Variants in NUP58 observed in about 807,000 individuals in gnomAD.
NUP58 encodes the protein nucleoporin 58, also known as nucleoporin p58/p45.
In NUP58, 17 loss-of-function variants were observed where a neutral mutation model predicts 70.1. The observed-to-expected ratio is 0.24, with a 90% CI of 0.17 to 0.36. The LOEUF (loss-of-function observed/expected upper bound fraction) is 0.36. NUP58 is among the 10% of genes least tolerant of loss of function. The probability of loss-of-function intolerance (pLI) is 1.00; values close to 1 mark genes in which losing one functional copy is unlikely to be tolerated. For synonymous variants in NUP58, 275 were observed against 257.6 expected (o/e 1.07, Z -0.65); for missense variants, 644 against 701.5 (o/e 0.92, Z 0.93).
At chr13:25,304,703 T>G (rs1290259576) in intron 1 of NUP58, among the ~76,000 whole-genome samples, 1 of 151,320 alleles carries the variant, frequency 6.6e-6, no homozygotes, top group Admixed American at 6.6e-5. Flanking sequence ...TTATTTTTGG[T>G]ATTTTTAGTA....
chr13:25,327,586 C>G, intron 12 of NUP58, 74 bp downstream of exon 12: 1 of 908,450 alleles, frequency 1.1e-6, no homozygotes, highest in Non-Finnish European at 1.7e-6. Context: ...ACAAATGTGT[C>G]CATGCTTGAT....
chr13:25,332,892 A>G, intron 13 of NUP58: 2 of 985,320 alleles, frequency 2.0e-6, no homozygotes, highest in Non-Finnish European at 2.4e-6. Flanking sequence ...ATCAGCTCTC[A>G]TGATTACCTA....
chr13:25,337,791 A>G (rs2031836190), intron 14 of NUP58, among the ~76,000 whole-genome samples: 1 of 152,200 alleles, frequency 6.6e-6, no homozygotes, highest in African/African-American at 2.4e-5. Context: ...TCTGGCAGAT[A>G]GCATAATTCC....
chr13:25,348,362 T>G (rs2032073413), intron 3 of NUP58, among the ~76,000 whole-genome samples: 1 of 152,132 alleles, frequency 6.6e-6, no homozygotes, highest in East Asian at 1.9e-4. Flanking sequence ...ATTTTGTTAA[T>G]GATTTTGTAT....
intron 5 of NUP58, 38 bp from the exon 6 acceptor site, chr13:25,315,318 GT>G (rs1566060991): frequency 1.4e-6 from 2 of 1,421,850 alleles, no homozygotes; most frequent in Admixed American, 3.6e-5. Context: ...AATTGTTGTA[GT>G]CTTTTGATGG....
chr13:25,313,690 A>C lies in NUP58; in HGVS notation c.513A>C (p.Leu171Phe). ...TTTTASTGLS[L>F]GGALAGLGGS... ...CAACTGCATCAACAGGCCTCTCTTT[A>C]GGGGGAGCCTTAGCTGGTTTGGGAG... Residue 171 changes from leucine (L) to phenylalanine (F), a missense_variant, in exon 5 of 16, where the codon TTA becomes TTC. By Grantham distance (22) the Leu-to-Phe change is conservative. This residue lies in a region of NUP58 where 430 missense variants were observed against 409.2 expected (regional missense o/e 1.05). Coordinates refer to ENST00000381736, the MANE Select transcript of NUP58 (RefSeq NM_014089.4). 1.3e-6 allele frequency: 2 copies of C among 1,532,206 alleles called. No individual in the cohort carries two copies. Among genetic ancestry groups the C allele is most frequent in the Non-Finnish European group, 1.7e-6 (2 of 1,152,756 alleles). 94.9% of individuals were successfully genotyped at this position (1,532,206 alleles called of 1,614,324 possible).
chr13:25,336,582 TA>T (rs2031793065), intron 13 of NUP58, among the ~76,000 whole-genome samples: 1 of 152,152 alleles, frequency 6.6e-6, no homozygotes, highest in Admixed American at 6.6e-5. Context: ...TGAGGAGATC[TA>T]AAATAATTCT....
Position 25,340,233 on chromosome 13 carries a change from TATAAAGTTTTGATATTTTTC to T in NUP58, c.*100_*119del, listed in dbSNP as rs2031913216. ...TAATTAAATTGCATCCCAGGAGATT[TATAAAGTTTTGATATTTTTC>T]CCTACTCTGGAATTTGAACTTTCTT... On this transcript the variant is annotated 3_prime_UTR_variant, in exon 16 of 16. Coordinates refer to ENST00000381736, the MANE Select transcript of NUP58 (RefSeq NM_014089.4). 3 of 1,160,008 alleles carry T rather than the reference TATAAAGTTTTGATATTTTTC, an allele frequency of 2.6e-6. No individual in the cohort carries two copies. The highest frequency in any genetic ancestry group is 3.5e-6 in the Non-Finnish European group (3 of 868,348). 71.9% of individuals were successfully genotyped at this position (1,160,008 alleles called of 1,614,324 possible).
intron 1 of NUP58, among the ~76,000 whole-genome samples, chr13:25,304,099 G>T (rs1176740347): frequency 6.6e-6 from 1 of 152,144 alleles, no homozygotes; most frequent in Non-Finnish European, 1.5e-5. Flanking sequence ...GTTGATGAGT[G>T]AGATGAAGTA....
chr13:25,315,764 C>T (rs2030901867), intron 6 of NUP58, among the ~76,000 whole-genome samples: 2 of 152,116 alleles, frequency 1.3e-5, no homozygotes, highest in Non-Finnish European at 2.9e-5. Context: ...AACCATTGTT[C>T]TCTTGTTAGA....
downstream of NUP58, among the ~76,000 whole-genome samples, chr13:25,346,538 GGA>G (rs985716320): frequency 2.0e-5 from 3 of 152,020 alleles, no homozygotes; most frequent in African/African-American, 7.2e-5. Flanking sequence ...TGACCAACAT[GGA>G]GAAACCCTGT....
intron 6 of NUP58, among the ~76,000 whole-genome samples, chr13:25,318,917 C>A (rs1021565779): frequency 6.6e-6 from 1 of 152,104 alleles, no homozygotes; most frequent in Non-Finnish European, 1.5e-5. Flanking sequence ...TGGTAGGCAA[C>A]AACATAAATT....
Position 25,327,054 on chromosome 13 carries a change from A to G in NUP58, c.1150+20A>G, listed in dbSNP as rs746446028. 8.4e-6 allele frequency: 12 copies of G among 1,431,296 alleles called. No homozygotes were observed. Among genetic ancestry groups the G allele is most frequent in the Non-Finnish European group, 1.2e-5 (12 of 1,029,504 alleles). The allele number at this position is 1,431,296 out of a possible 1,614,324, so 88.7% of individuals were successfully genotyped here. On this transcript the variant is annotated intron_variant, in intron 11 of 15. Transcript: ENST00000381736. ...CTCAAGGTAACATGCTTACTGTGGT[A>G]ATTTTTTTTGAACTTTTGTTTGTAG...
At chr13:25,318,133 G>T (rs926052647) in intron 6 of NUP58, among the ~76,000 whole-genome samples, 1 of 152,016 alleles carries the variant, frequency 6.6e-6, no homozygotes, top group African/African-American at 2.4e-5. Flanking sequence ...ATCAAGACCA[G>T]CCTGGCCAAG....
intron 5 of NUP58, among the ~76,000 whole-genome samples, 182 bp from the exon 6 acceptor site, chr13:25,315,175 G>A (rs1282089326): frequency 2.0e-5 from 3 of 152,136 alleles, no homozygotes; most frequent in African/African-American, 4.8e-5. Flanking sequence ...ATATGCCATC[G>A]AATTCAAGAA....
intron 13 of NUP58, chr13:25,333,661 A>G (rs1241118634): frequency 1.0e-6 from 1 of 985,220 alleles, no homozygotes; most frequent in African/African-American, 1.7e-5. Flanking sequence ...TAGTCATGTC[A>G]CCATGATGTG....
chr13:25,320,440 G>T, intron 7 of NUP58, 90 bp from the exon 8 acceptor site: 1 of 795,910 alleles, frequency 1.3e-6, no homozygotes, highest in South Asian at 1.8e-5. Context: ...ATATTTTCTT[G>T]TGTCTTAATA....
At position 25,316,368 on chromosome 13, in the gene NUP58, G is replaced by GTA. The variant is rs536193335; in HGVS notation, c.685+910_685+911dup. ...TAGAATATATACCATATATACTAGG[G>GTA]TATATATATACATATTGAACTTCTC... is the stretch of plus-strand genomic sequence containing the variant. On this transcript the variant is annotated intron_variant, in intron 6 of 15. Transcript: ENST00000381736. Among the ~76,000 whole-genome samples the GTA allele has an allele frequency of 4.4e-4, 67 of 152,136 alleles. 1 individual carries two copies. Among genetic ancestry groups the GTA allele is most frequent in the African/African-American group, 1.6e-3 (65 of 41,516 alleles).
rs79355300 is a variant in NUP58 at position 25,333,643 on chromosome 13, G to A, written c.1435+2085G>A. On this transcript the variant is annotated intron_variant, in intron 13 of 15. Transcript: ENST00000381736. ...CCAGGCCTTCCCAGTCAAAATTTTC[G>A]TTATTTTTAGTCATGTCACCATGAT... 3.3e-3 allele frequency: 3,236 copies of A among 985,192 alleles called. 69 individuals carry two copies. In the African/African-American group the frequency reaches 0.05, roughly 15 times the overall value. 61.0% of individuals were successfully genotyped at this position (985,192 alleles called of 1,614,324 possible). A position where few individuals can be genotyped will look rare whatever the true frequency, so the allele number is the denominator to read the frequency against.
Sources: gnomAD v4.1 joint callset for allele counts (sites outside exome capture counted in the v4.1 genomes callset) on GRCh38, gnomAD v4.1.1 for gene constraint, gnomAD v4.1.1 regional missense constraint, MANE v1.5 for transcripts, NCBI Gene and HGNC (gene_info 2026-07-23, HGNC 2026-07-21) for gene names.